The following TRAPPC9 variants were observed in gnomAD, a reference collection of about 807,000 sequenced individuals.
The protein encoded by TRAPPC9 is IKK2 binding protein.
Under a neutral mutation model 124.0 loss-of-function variants are expected in TRAPPC9, and 83 were observed. That is an observed-to-expected ratio of 0.67 (90% CI 0.56 to 0.80). The LOEUF (loss-of-function observed/expected upper bound fraction) is 0.80, where lower values mean the gene tolerates loss of function less well. Among genes scored for constraint, TRAPPC9 ranks in the 30% least tolerant of loss-of-function variants. The pLI is 0.00. For synonymous variants in TRAPPC9, 638 were observed against 617.5 expected (o/e 1.03, Z -0.49); for missense variants, 1,302 against 1,508.3 (o/e 0.86, Z 2.27).
intron 17 of TRAPPC9, among the ~76,000 whole-genome samples, chr8:140,207,763 C>T (rs369899274): frequency 7.7e-4 from 117 of 152,324 alleles, no homozygotes; most frequent in Non-Finnish European, 1.2e-3. Flanking sequence ...AATACTGAAG[C>T]GGGGCTGGCA....
chr8:139,907,506 G>T lies in TRAPPC9; in HGVS notation c.2964+2641C>A, dbSNP rs995775034. On this transcript the variant is annotated intron_variant, in intron 20 of 22. Transcript: ENST00000438773. This position sits in a 1 kb window ranked among gnomAD's most constrained non-coding sequence, Gnocchi z 4.7. ...CCAGATGTCATCAACAGATGAGAGT[G>T]GGGGGAAGGGAGAGGAGAGGGAGAA... Among the ~76,000 whole-genome samples, 4 of 150,102 alleles carry T rather than the reference G, an allele frequency of 2.7e-5. No individual in the cohort carries two copies. Among genetic ancestry groups the T allele is most frequent in the Admixed American group, 6.7e-5 (1 of 15,022 alleles).
intron 20 of TRAPPC9, among the ~76,000 whole-genome samples, chr8:139,899,482 C>T (rs1327850050): frequency 1.3e-5 from 2 of 152,056 alleles, no homozygotes; most frequent in Middle Eastern, 3.2e-3. Flanking sequence ...CTTCACGTTG[C>T]GTAGGCAGAA....
At chr8:140,116,727 G>A (rs1283638140) in intron 17 of TRAPPC9, among the ~76,000 whole-genome samples, 1 of 152,204 alleles carries the variant, frequency 6.6e-6, no homozygotes, top group African/African-American at 2.4e-5. Context: ...TCTGGCAGCA[G>A]CGGACAAGCT....
At chr8:140,320,818 C>T (rs1307153573) in intron 9 of TRAPPC9, among the ~76,000 whole-genome samples, 1 of 152,210 alleles carries the variant, frequency 6.6e-6, no homozygotes, top group Non-Finnish European at 1.5e-5. Flanking sequence ...AGCTGGATCT[C>T]AAAGTCAGGC....
intron 17 of TRAPPC9, among the ~76,000 whole-genome samples, chr8:140,103,960 A>G (rs1284608120): frequency 6.6e-6 from 1 of 152,226 alleles, no homozygotes; most frequent in African/African-American, 2.4e-5. Context: ...AGCAACAGAA[A>G]TACGCGTTTT....
Position 139,973,734 on chromosome 8 carries a change from T to C in TRAPPC9, c.2810+14992A>G, listed in dbSNP as rs182239109. 1.4e-3 allele frequency among the ~76,000 whole-genome samples: 210 copies of C among 152,128 alleles called. 1 individual carries two copies. The highest frequency in any genetic ancestry group is 4.4e-3 in the African/African-American group (181 of 41,496). ...AGTCGAAGGCGGTACTGAGAAAGGT[T>C]TTCCTTCCCCACATGCAGGACCCTC... On this transcript the variant is annotated intron_variant, in intron 19 of 22. Coordinates refer to ENST00000438773, the MANE Select transcript of TRAPPC9 (RefSeq NM_001160372.4).
intron 21 of TRAPPC9, among the ~76,000 whole-genome samples, chr8:139,877,343 T>C (rs1002601285): frequency 6.6e-6 from 1 of 152,146 alleles, no homozygotes; most frequent in Non-Finnish European, 1.5e-5. Context: ...GTCCTCAAAA[T>C]AGACAGTCAG....
chr8:140,274,842 G>C (rs80351225), intron 15 of TRAPPC9, among the ~76,000 whole-genome samples: 2,407 of 152,250 alleles, frequency 0.016, 56 homozygotes, highest in African/African-American at 0.053. Context: ...ACCAGAACCA[G>C]TCAAACTCCC....
At chr8:140,119,847 T>C (rs1274372313) in intron 17 of TRAPPC9, among the ~76,000 whole-genome samples, 1 of 152,158 alleles carries the variant, frequency 6.6e-6, no homozygotes, top group Non-Finnish European at 1.5e-5. Flanking sequence ...CCCCTTCCTC[T>C]CACCTGGGCT....
At chr8:140,161,186 T>C (rs2130889776) in intron 17 of TRAPPC9, among the ~76,000 whole-genome samples, 1 of 152,268 alleles carries the variant, frequency 6.6e-6, no homozygotes, top group South Asian at 2.1e-4. Flanking sequence ...CCTGCAGGCA[T>C]TTGCTGGGTG....
intron 18 of TRAPPC9, among the ~76,000 whole-genome samples, chr8:140,012,017 G>A (rs1839170453): frequency 6.6e-6 from 1 of 152,048 alleles, no homozygotes; most frequent in South Asian, 2.1e-4. Flanking sequence ...TCACTATGTT[G>A]ACCAGGATGA....
At chr8:140,214,262 T>A (rs575532046) in intron 17 of TRAPPC9, among the ~76,000 whole-genome samples, 1 of 152,122 alleles carries the variant, frequency 6.6e-6, no homozygotes, top group Non-Finnish European at 1.5e-5. Flanking sequence ...ACTCAGAGGG[T>A]AGACACCAGC....
chr8:139,760,946 A>C (rs960187909), intron 21 of TRAPPC9, among the ~76,000 whole-genome samples: 2 of 152,154 alleles, frequency 1.3e-5, no homozygotes, highest in Non-Finnish European at 2.9e-5. Flanking sequence ...ACCATATCAG[A>C]TGGGGTGGGT....
At chr8:140,142,891 C>T (rs928571020) in intron 17 of TRAPPC9, among the ~76,000 whole-genome samples, 2 of 44,634 alleles carry the variant, frequency 4.5e-5, no homozygotes, top group Non-Finnish European at 4.6e-5. Flanking sequence ...AAAAATGCCT[C>T]GCACCTGGTA....
intron 5 of TRAPPC9, among the ~76,000 whole-genome samples, chr8:140,415,557 CA>C (rs201580495): frequency 8.9e-6 from 1 of 112,944 alleles, no homozygotes; most frequent in Admixed American, 9.0e-5. Context: ...CTCTGTCACA[CA>C]AAAAAAAAGA....
chr8:140,396,723 C>G (rs2069108005), intron 7 of TRAPPC9, among the ~76,000 whole-genome samples: 1 of 152,070 alleles, frequency 6.6e-6, no homozygotes, highest in Non-Finnish European at 1.5e-5. Context: ...CTGGCTATCT[C>G]CTATTCATCC....
At chr8:140,022,919 C>G (rs1839904379) in intron 18 of TRAPPC9, among the ~76,000 whole-genome samples, 1 of 152,172 alleles carries the variant, frequency 6.6e-6, no homozygotes, top group African/African-American at 2.4e-5. Context: ...TAAACTAAAA[C>G]CACACTTATT....
At chr8:140,335,751 G>C (rs1202498892) in intron 9 of TRAPPC9, among the ~76,000 whole-genome samples, 1 of 135,998 alleles carries the variant, frequency 7.4e-6, no homozygotes, top group Non-Finnish European at 1.5e-5. Flanking sequence ...TTGTCACCCA[G>C]GCTGGAGTGC....
intron 15 of TRAPPC9, among the ~76,000 whole-genome samples, chr8:140,256,434 A>T (rs1392285191): frequency 6.6e-6 from 1 of 152,198 alleles, no homozygotes; most frequent in Non-Finnish European, 1.5e-5. Flanking sequence ...ATCTTGGCTC[A>T]TTAGTAAGGA....
Sources: allele counts gnomAD v4.1 joint callset (sites outside exome capture counted in the v4.1 genomes callset), GRCh38; gene constraint gnomAD v4.1.1; non-coding constraint Gnocchi (gnomAD v3.1); transcripts MANE v1.5; gene names NCBI Gene and HGNC (gene_info 2026-07-23, HGNC 2026-07-21).